RFX3: variants seen among roughly 807,000 people sequenced by gnomAD.
RFX3 encodes the protein transcription factor RFX3.
RFX3 carries 14 observed loss-of-function variants against 98.6 expected under a neutral mutation model. That is an observed-to-expected ratio of 0.14 (90% confidence interval 0.09 to 0.22). The LOEUF is 0.22. Among genes scored for constraint, RFX3 ranks in the 10% least tolerant of loss-of-function variants. The pLI is 1.00. For missense variants in RFX3, 639 were observed against 926.9 expected (o/e 0.69, Z 4.03); for synonymous variants, 383 against 328.4 (o/e 1.17, Z -1.80).
chr9:3,385,687 T>TA lies in RFX3; in HGVS notation c.117+9784dup, dbSNP rs1163965329. On this transcript the variant is annotated intron_variant, in intron 2 of 16. Coordinates refer to ENST00000617270, the MANE Select transcript of RFX3 (RefSeq NM_001282116.2). ...TGCACCATTGCACTCCAGCCTGTCT[T>TA]AAAAAAAAAAAAAAAAAGAAAAGAA... Among the ~76,000 whole-genome samples, 249 of 118,636 alleles carry TA rather than the reference T, an allele frequency of 2.1e-3. 3 individuals are homozygous for TA. Among genetic ancestry groups the TA allele is most frequent in the South Asian group, 8.6e-3 (31 of 3,624 alleles). 77.8% of individuals were successfully genotyped at this position (118,636 alleles called of 152,430 possible).
At chr9:3,432,311 A>G (rs1844725243) in intron 1 of RFX3, among the ~76,000 whole-genome samples, 1 of 152,146 alleles carries the variant, frequency 6.6e-6, no homozygotes. Context: ...CAGCCTCTAG[A>G]TAAAGGGTCA....
chr9:3,466,707 G>C (rs1848253056), intron 1 of RFX3, among the ~76,000 whole-genome samples: 1 of 151,996 alleles, frequency 6.6e-6, no homozygotes, highest in South Asian at 2.1e-4. Context: ...AGTAAGTAGA[G>C]CCACTGATAA....
chr9:3,418,765 A>C lies in RFX3; in HGVS notation c.-8-23169T>G, dbSNP rs189873484. On this transcript the variant is annotated intron_variant, in intron 1 of 16. Coordinates refer to ENST00000617270, the MANE Select transcript of RFX3 (RefSeq NM_001282116.2). ...ATTAAAATAGGATATCATCATAGAAAAATAAGTTGCTTAGAATTCATATTT... is the reference window on the plus strand; with the variant it reads ...ATTAAAATAGGATATCATCATAGAACAATAAGTTGCTTAGAATTCATATTT... Among the ~76,000 whole-genome samples, 7 of 152,348 alleles carry C rather than the reference A, an allele frequency of 4.6e-5. No individual in the cohort carries two copies. In the East Asian group the frequency reaches 1.2e-3, roughly 25 times the overall value.
At chr9:3,361,199 T>C (rs1836388669) in intron 2 of RFX3, among the ~76,000 whole-genome samples, 1 of 152,142 alleles carries the variant, frequency 6.6e-6, no homozygotes, top group Non-Finnish European at 1.5e-5. Flanking sequence ...ACCCACATTA[T>C]AACAGCTATT....
At chr9:3,505,471 T>G (rs1370118439) in intron 1 of RFX3, among the ~76,000 whole-genome samples, 6 of 143,478 alleles carry the variant, frequency 4.2e-5, no homozygotes, top group Non-Finnish European at 7.6e-5. Flanking sequence ...ATAAAATATT[T>G]TATATTTATA....
chr9:3,430,444 A>G (rs1220639373), intron 1 of RFX3, among the ~76,000 whole-genome samples: 5 of 152,214 alleles, frequency 3.3e-5, no homozygotes, highest in African/African-American at 4.8e-5. Context: ...AGATATAAAC[A>G]TAAGTCTTAG....
chr9:3,362,411 C>G (rs1836566377), intron 2 of RFX3, among the ~76,000 whole-genome samples: 12 of 152,190 alleles, frequency 7.9e-5, no homozygotes, highest in Admixed American at 7.9e-4. Flanking sequence ...GACCCTATCA[C>G]TTATAAACTG....
At chr9:3,227,466 A>C (rs111583950) in intron 16 of RFX3, among the ~76,000 whole-genome samples, 1 of 152,202 alleles carries the variant, frequency 6.6e-6, no homozygotes, top group Non-Finnish European at 1.5e-5. Context: ...ACTCGAAGAC[A>C]CTTTCTAGAA....
At chr9:3,447,141 C>T (rs1846124705) in intron 1 of RFX3, among the ~76,000 whole-genome samples, 1 of 152,034 alleles carries the variant, frequency 6.6e-6, no homozygotes, top group Non-Finnish European at 1.5e-5. Flanking sequence ...TTTCTTCTAA[C>T]ATGCTGCCTC....
chr9:3,482,469 C>T (rs1028430859), intron 1 of RFX3, among the ~76,000 whole-genome samples: 13 of 152,218 alleles, frequency 8.5e-5, no homozygotes, highest in South Asian at 4.1e-4. Context: ...GAATGCTTCC[C>T]ATTAAGCATA....
intron 1 of RFX3, among the ~76,000 whole-genome samples, chr9:3,436,761 G>C (rs931556250): frequency 6.6e-6 from 1 of 152,000 alleles, no homozygotes; most frequent in African/African-American, 2.4e-5. Flanking sequence ...AAATGAACTT[G>C]AGAAGACAGA....
At chr9:3,449,089 C>G (rs887492550) in intron 1 of RFX3, among the ~76,000 whole-genome samples, 1 of 152,114 alleles carries the variant, frequency 6.6e-6, no homozygotes, top group African/African-American at 2.4e-5. Flanking sequence ...CCCTCTGTAC[C>G]TCATTTTTTC....
rs148587850 is a variant in RFX3, at chr9:3,361,804, G to A, written c.118-15040C>T. ...CTCTACAAAAAATAAAAAATTAGCT[G>A]GACATGGTGACACCCACCTGTAGTC... is the stretch of plus-strand genomic sequence containing the variant. On this transcript the variant is annotated intron_variant, in intron 2 of 16. Coordinates refer to ENST00000617270, the MANE Select transcript of RFX3 (RefSeq NM_001282116.2). 7.7e-3 allele frequency among the ~76,000 whole-genome samples: 1,172 copies of A among 152,050 alleles called. 18 individuals carry two copies. The highest frequency in any genetic ancestry group is 0.027 in the Admixed American group (415 of 15,242).
chr9:3,505,595 A>G (rs1817006578), intron 1 of RFX3, among the ~76,000 whole-genome samples: 1 of 150,134 alleles, frequency 6.7e-6, no homozygotes, highest in Non-Finnish European at 1.5e-5. Context: ...ACTCTTTAAC[A>G]GGAAGGCCAG....
At chr9:3,229,066 A>T (rs555325810) in intron 15 of RFX3, among the ~76,000 whole-genome samples, 177 bp from the exon 16 acceptor site, 2 of 152,236 alleles carry the variant, frequency 1.3e-5, no homozygotes, top group African/African-American at 4.8e-5. Context: ...AAATTTGAAC[A>T]GTTTAAATTA....
intron 1 of RFX3, among the ~76,000 whole-genome samples, chr9:3,509,007 G>A (rs1467884498): frequency 1.3e-5 from 2 of 151,392 alleles, no homozygotes; most frequent in African/African-American, 4.8e-5. Flanking sequence ...GAGAGAGAGA[G>A]AAATAATTAG....
Position 3,366,510 on chromosome 9 carries a change from G to A in RFX3, c.118-19746C>T, listed in dbSNP as rs543887550. On this transcript the variant is annotated intron_variant, in intron 2 of 16. Transcript: ENST00000617270. Reference sequence around the variant, plus strand: ...TAAGTTTTCATTTATACAGTGATGTGCTTATTTATTCCTGGTCTGATATCA... The same window carrying A: ...TAAGTTTTCATTTATACAGTGATGTACTTATTTATTCCTGGTCTGATATCA... Among the ~76,000 whole-genome samples the A allele has an allele frequency of 3.3e-5, 5 of 152,124 alleles. No homozygotes were observed. The South Asian group carries it at 6.2e-4, about 19-fold the overall frequency.
At chr9:3,412,861 A>G (rs559073389) in intron 1 of RFX3, among the ~76,000 whole-genome samples, 3 of 152,296 alleles carry the variant, frequency 2.0e-5, no homozygotes, top group Admixed American at 6.5e-5. Context: ...TTGAATATTA[A>G]TAAAGCTACC....
intron 1 of RFX3, among the ~76,000 whole-genome samples, chr9:3,456,969 A>G (rs1847222327): frequency 6.6e-6 from 1 of 151,874 alleles, no homozygotes. Context: ...CAACATGGTG[A>G]AACCCCGTCT....
Sources: gnomAD v4.1 joint callset for allele counts (sites outside exome capture counted in the v4.1 genomes callset) on GRCh38, gnomAD v4.1.1 for gene constraint, MANE v1.5 for transcripts, NCBI Gene and HGNC (gene_info 2026-07-23, HGNC 2026-07-21) for gene names.